RMDN2: variants seen among roughly 807,000 people sequenced by gnomAD.
RMDN2 encodes regulator of microtubule dynamics protein 2.
Under a neutral mutation model 52.8 loss-of-function variants are expected in RMDN2, and 61 were observed. The observed-to-expected ratio is 1.16, with a 90% CI of 0.94 to 1.43. The LOEUF is 1.43. RMDN2 is among the 40% of genes most tolerant of loss of function. The pLI is 0.00. For synonymous variants in RMDN2, 180 were observed against 153.1 expected (o/e 1.18, Z -1.30); for missense variants, 592 against 475.3 (o/e 1.25, Z -2.28).
At chr2:38,003,937 T>G (rs1676701481) in intron 8 of RMDN2, 54 bp from the exon 9 acceptor site, 1 of 1,261,862 alleles carries the variant, frequency 7.9e-7, no homozygotes, top group African/African-American at 1.5e-5. Context: ...CACTTGTGGT[T>G]ACTGTTATTT....
chr2:37,963,472 C>T (rs1484501041), intron 2 of RMDN2, among the ~76,000 whole-genome samples: 2 of 152,094 alleles, frequency 1.3e-5, no homozygotes, highest in Non-Finnish European at 2.9e-5. Context: ...CAGCCTTCCG[C>T]AGTGTTTGTG....
chr2:38,049,269 G>T (rs11124632), intron 10 of RMDN2, among the ~76,000 whole-genome samples: 4 of 151,900 alleles, frequency 2.6e-5, no homozygotes, highest in Non-Finnish European at 4.4e-5. Flanking sequence ...AGGAAGGAAG[G>T]GAAGTTGGGA....
At chr2:37,964,450 TA>T (rs1471727818) in intron 2 of RMDN2, among the ~76,000 whole-genome samples, 1 of 152,252 alleles carries the variant, frequency 6.6e-6, no homozygotes, top group Non-Finnish European at 1.5e-5. Flanking sequence ...ATTGGTTGTT[TA>T]AAAGTATGTT....
At position 38,051,103 on chromosome 2, in the gene RMDN2, A is replaced by T. The variant is rs545457922; in HGVS notation, c.1714-15879A>T. Reference sequence around the variant, plus strand: ...AATGAGCCTCTTTAGGAAAGACATCACCAACACCAGTGACAAGGATTAAGC... The same window carrying T: ...AATGAGCCTCTTTAGGAAAGACATCTCCAACACCAGTGACAAGGATTAAGC... On this transcript the variant is annotated intron_variant, in intron 10 of 10. Coordinates refer to the RMDN2 transcript ENST00000234195. Among the ~76,000 whole-genome samples, 3 of 152,270 alleles carry T rather than the reference A, an allele frequency of 2.0e-5. No homozygotes were observed. In the South Asian group the frequency reaches 6.2e-4, roughly 32 times the overall value.
chr2:37,953,188 T>A (rs948900269), intron 2 of RMDN2: 5 of 152,038 alleles, frequency 3.3e-5, no homozygotes, highest in Non-Finnish European at 7.4e-5. Flanking sequence ...TTTTAAAAAT[T>A]GTGATAAATA....
upstream of RMDN2, among the ~76,000 whole-genome samples, chr2:37,924,317 C>T (rs1001278442): frequency 6.6e-6 from 1 of 152,192 alleles, no homozygotes; most frequent in South Asian, 2.1e-4. Context: ...GTTATGCAAA[C>T]CTAAGCTTGA....
chr2:37,962,372 C>T (rs1412758974), intron 2 of RMDN2, among the ~76,000 whole-genome samples: 1 of 152,204 alleles, frequency 6.6e-6, no homozygotes, highest in Admixed American at 6.5e-5. Flanking sequence ...TGCTGCCTTT[C>T]TTTCAGAGAT....
rs192709075 is a variant in RMDN2, at chr2:37,943,864, A to T, written c.452+14135A>T. Reference sequence around the variant, plus strand: ...CCTGACTTTATAATTTTTAGTACACAATATTTCTACTCCCCATATCTTTGC... The same window carrying T: ...CCTGACTTTATAATTTTTAGTACACTATATTTCTACTCCCCATATCTTTGC... On this transcript the variant is annotated intron_variant, in intron 2 of 10. Transcript: ENST00000354545. Among the ~76,000 whole-genome samples, 7 of 152,168 alleles carry T rather than the reference A, an allele frequency of 4.6e-5. No homozygotes were observed. The East Asian group carries it at 1.4e-3, about 29-fold the overall frequency.
At chr2:37,938,916 G>A (rs1019240572) in intron 2 of RMDN2, among the ~76,000 whole-genome samples, 1 of 152,048 alleles carries the variant, frequency 6.6e-6, no homozygotes, top group Non-Finnish European at 1.5e-5. Context: ...TCTGATCTTA[G>A]TTATTTCTCA....
intron 8 of RMDN2, among the ~76,000 whole-genome samples, chr2:38,001,597 A>G (rs1676330827): frequency 6.6e-6 from 1 of 152,228 alleles, no homozygotes; most frequent in African/African-American, 2.4e-5. Context: ...CAGAATTAGA[A>G]TGCCAGCATT....
At chr2:38,027,855 T>G (rs1679894541) in intron 10 of RMDN2, among the ~76,000 whole-genome samples, 1 of 152,206 alleles carries the variant, frequency 6.6e-6, no homozygotes, top group African/African-American at 2.4e-5. Flanking sequence ...ACTGTGGCAT[T>G]AATAGCTAAG....
At chr2:37,973,012 T>G (rs1008763399) in intron 2 of RMDN2, among the ~76,000 whole-genome samples, 2 of 152,232 alleles carry the variant, frequency 1.3e-5, no homozygotes, top group African/African-American at 4.8e-5. Flanking sequence ...AGCTGCAAGT[T>G]GTGAAGCTGA....
At chr2:38,017,754 A>T (rs1558559784), downstream of RMDN2, 1 of 322,598 alleles carries the variant, frequency 3.1e-6, no homozygotes, top group East Asian at 1.1e-4. Flanking sequence ...ACTAGCTTTC[A>T]CTCGTGTCCA....
At chr2:38,038,276 G>C (rs562666915) in intron 10 of RMDN2, among the ~76,000 whole-genome samples, 2 of 152,254 alleles carry the variant, frequency 1.3e-5, no homozygotes, top group African/African-American at 4.8e-5. Context: ...AGGGGGACGC[G>C]TTCAAGCGAG....
chr2:38,058,494 C>T (rs1482962646), intron 10 of RMDN2, among the ~76,000 whole-genome samples: 1 of 152,202 alleles, frequency 6.6e-6, no homozygotes, highest in African/African-American at 2.4e-5. Flanking sequence ...AGGCAGGGGA[C>T]TTCAGGACCA....
Position 38,017,628 on chromosome 2 carries a change from C to A in RMDN2, c.*389C>A, listed in dbSNP as rs755907482. 5 of 1,160,068 alleles carry A rather than the reference C, an allele frequency of 4.3e-6. No homozygotes were observed. The highest frequency in any genetic ancestry group is 1.4e-5 in the South Asian group (1 of 71,024). 71.9% of individuals were successfully genotyped at this position (1,160,068 alleles called of 1,614,324 possible). On this transcript the variant is annotated 3_prime_UTR_variant, in exon 11 of 11. Coordinates refer to ENST00000354545, the MANE Select transcript of RMDN2 (RefSeq NM_001170791.3). ...TAATGTGGATGAAAAATGGAAAACT[C>A]AGCAAAGGACATGAACAAGTTGTTG...
At chr2:37,936,288 C>T (rs939400399) in intron 2 of RMDN2, among the ~76,000 whole-genome samples, 6 of 152,118 alleles carry the variant, frequency 3.9e-5, no homozygotes, top group Non-Finnish European at 7.4e-5. Flanking sequence ...TTTCTTTATC[C>T]AGTCTATAAT....
Position 37,959,509 on chromosome 2 carries a change from C to G in RMDN2, c.453-14531C>G, listed in dbSNP as rs180717022. Among the ~76,000 whole-genome samples, 225 of 150,992 alleles carry G rather than the reference C, an allele frequency of 1.5e-3. 19 individuals carry two copies. Among genetic ancestry groups the G allele is most frequent in the African/African-American group, 5.5e-3 (222 of 40,338 alleles). On this transcript the variant is annotated intron_variant, in intron 2 of 10. Transcript: ENST00000354545. Reference sequence around the variant, plus strand: ...GGATCAGTGGTAATATCCCTTTTATCATTTTTTATTGTGTCTATTTGATTC... The same window carrying G: ...GGATCAGTGGTAATATCCCTTTTATGATTTTTTATTGTGTCTATTTGATTC...
At chr2:37,963,756 T>C (rs1427373155) in intron 2 of RMDN2, among the ~76,000 whole-genome samples, 1 of 152,198 alleles carries the variant, frequency 6.6e-6, no homozygotes, top group Non-Finnish European at 1.5e-5. Flanking sequence ...TCTCTATCTT[T>C]TCCCCACATT....
Sources: allele counts gnomAD v4.1 joint callset (sites outside exome capture counted in the v4.1 genomes callset), GRCh38; gene constraint gnomAD v4.1.1; transcripts MANE v1.5; gene names NCBI Gene and HGNC (gene_info 2026-07-23, HGNC 2026-07-21).